LNX1: variants seen among roughly 807,000 people sequenced by gnomAD.
The protein encoded by LNX1 is E3 ubiquitin-protein ligase LNX.
LNX1 carries 54 observed loss-of-function variants against 68.4 expected under a neutral mutation model. The observed-to-expected ratio is 0.79, with a 90% CI of 0.63 to 0.99. The LOEUF is 0.99. Among genes scored for constraint, LNX1 ranks in the 50% least tolerant of loss-of-function variants. The probability of loss-of-function intolerance (pLI) is 0.00; values close to 1 mark genes in which losing one functional copy is unlikely to be tolerated. For synonymous variants in LNX1, 336 were observed against 350.0 expected (o/e 0.96, Z 0.45); for missense variants, 906 against 926.4 (o/e 0.98, Z 0.29).
chr4:53,469,334 C>G (rs533885159), intron 9 of LNX1, among the ~76,000 whole-genome samples: 1 of 152,140 alleles, frequency 6.6e-6, no homozygotes, highest in African/African-American at 2.4e-5. Context: ...GGGACACATT[C>G]AAAGCAGTGT....
intron 2 of LNX1, among the ~76,000 whole-genome samples, chr4:53,599,227 C>T (rs1560688728): frequency 6.6e-6 from 1 of 152,090 alleles, no homozygotes; most frequent in Non-Finnish European, 1.5e-5. Context: ...AAAAGATTGG[C>T]ACAAGACACA....
chr4:53,556,515 C>T (rs1337259741), intron 2 of LNX1, among the ~76,000 whole-genome samples: 4 of 152,172 alleles, frequency 2.6e-5, no homozygotes, highest in Non-Finnish European at 5.9e-5. Context: ...TATCATGGCA[C>T]TGGATTTCAA....
chr4:53,623,464 G>T (rs906802375), intron 1 of LNX1, among the ~76,000 whole-genome samples: 1 of 151,884 alleles, frequency 6.6e-6, no homozygotes. Flanking sequence ...GAACACATGA[G>T]CTCAGGTGAT....
At chr4:53,636,435 G>A (rs144577115) in intron 1 of LNX1, among the ~76,000 whole-genome samples, 87 of 152,140 alleles carry the variant, frequency 5.7e-4, no homozygotes, top group Non-Finnish European at 9.3e-4. Flanking sequence ...TGGGACTCTG[G>A]TGAGACATTC....
At chr4:53,547,114 C>G (rs1226680613) in intron 2 of LNX1, among the ~76,000 whole-genome samples, 2 of 152,148 alleles carry the variant, frequency 1.3e-5, no homozygotes, top group African/African-American at 2.4e-5. Flanking sequence ...TATATCAAAT[C>G]GAAGACTATG....
chr4:53,613,198 T>G (rs1733560132), intron 2 of LNX1, among the ~76,000 whole-genome samples: 1 of 151,852 alleles, frequency 6.6e-6, no homozygotes, highest in African/African-American at 2.4e-5. Flanking sequence ...AAAGACCCCC[T>G]ACACATAACT....
intron 2 of LNX1, among the ~76,000 whole-genome samples, chr4:53,563,688 C>A (rs1324846053): frequency 1.3e-5 from 2 of 152,188 alleles, no homozygotes; most frequent in African/African-American, 4.8e-5. Flanking sequence ...GCATCTGTCA[C>A]CACGCCTGGT....
intron 2 of LNX1, among the ~76,000 whole-genome samples, chr4:53,565,440 G>C (rs1383241929): frequency 6.6e-6 from 1 of 150,956 alleles, no homozygotes; most frequent in African/African-American, 2.4e-5. Flanking sequence ...TGAGGGTCCT[G>C]TCTGTTAGAA....
At chr4:53,476,663 C>T (rs1579373870) in intron 9 of LNX1, 90 bp downstream of exon 9, 11 of 1,072,690 alleles carry the variant, frequency 1.0e-5, no homozygotes, top group Non-Finnish European at 1.6e-5. Flanking sequence ...ATGCTAGTGC[C>T]ATGAATCAGC....
At chr4:53,534,686 C>T (rs537484302) in intron 2 of LNX1, among the ~76,000 whole-genome samples, 27 of 152,220 alleles carry the variant, frequency 1.8e-4, no homozygotes, top group African/African-American at 5.5e-4. Context: ...GGTCACTTGG[C>T]GTAAAACAAC....
At chr4:53,569,587 C>G (rs1410979020) in intron 2 of LNX1, among the ~76,000 whole-genome samples, 2 of 149,230 alleles carry the variant, frequency 1.3e-5, no homozygotes, top group African/African-American at 2.5e-5. Context: ...CATTACCATT[C>G]AGGACATAGG....
At chr4:53,491,809 G>T (rs9997623) in intron 6 of LNX1, among the ~76,000 whole-genome samples, 130,867 of 140,408 alleles carry the variant, frequency 0.93, 61,479 homozygotes, top group East Asian at 1. Context: ...TTGTTTGTTT[G>T]TTTTTTGAGA....
Position 53,496,210 on chromosome 4 carries a change from C to T in LNX1, c.1163G>A (p.Ser388Asn), listed in dbSNP as rs989152693. The T allele has an allele frequency of 6.2e-7, 1 of 1,614,074 alleles. No individual in the cohort carries two copies. Among genetic ancestry groups the T allele is most frequent in the African/African-American group, 1.3e-5 (1 of 74,926 alleles). The part of the protein sequence containing the change: ...DSFHVILNKS[S>N]PEEQLGIKLV... ...TTTTATTCCAAGCTGCTCCTCGGGG[C>T]TACTTTTGTTGAGAATCACATGAAA... Residue 388 changes from serine to asparagine, a missense_variant, in exon 6 of 11, where the codon AGC becomes AAC. Coordinates refer to ENST00000263925, the MANE Select transcript of LNX1 (RefSeq NM_001126328.3).
In LNX1 at chr4:53,572,415, G is replaced by A. The variant is rs143740978; in HGVS notation, c.380+1208C>T. Among the ~76,000 whole-genome samples, 42 of 152,284 alleles carry A rather than the reference G, an allele frequency of 2.8e-4. No homozygotes were observed. In the East Asian group the frequency reaches 7.9e-3, roughly 29 times the overall value. On this transcript the variant is annotated intron_variant, in intron 2 of 10. Coordinates refer to ENST00000263925, the MANE Select transcript of LNX1 (RefSeq NM_001126328.3). ...AAAAATGAATTCACTGACATAATGA[G>A]CGTGGAAAACATGTGCTAAGCATTA...
At chr4:53,546,985 C>G (rs1729158951) in intron 2 of LNX1, among the ~76,000 whole-genome samples, 1 of 152,196 alleles carries the variant, frequency 6.6e-6, no homozygotes, top group East Asian at 1.9e-4. Flanking sequence ...CAGCTCAAGT[C>G]AGCCATTTCC....
intron 1 of LNX1, among the ~76,000 whole-genome samples, chr4:53,636,549 G>A (rs534954028): frequency 7.2e-4 from 109 of 152,212 alleles, no homozygotes; most frequent in African/African-American, 2.4e-3. Flanking sequence ...ACCATAAAAT[G>A]GAGATGATAA....
At chr4:53,544,899 C>A (rs577479713) in intron 2 of LNX1, among the ~76,000 whole-genome samples, 28 of 152,326 alleles carry the variant, frequency 1.8e-4, no homozygotes, top group African/African-American at 6.5e-4. Flanking sequence ...TTGGCAGGGC[C>A]AGGCTCTAAC....
At chr4:53,513,937 C>T (rs1726551589) in intron 2 of LNX1, among the ~76,000 whole-genome samples, 1 of 152,220 alleles carries the variant, frequency 6.6e-6, no homozygotes, top group Admixed American at 6.5e-5. Context: ...CCATCCCTTG[C>T]TCATACAGCC....
chr4:53,643,369 C>G (rs1734761943), intron 1 of LNX1, among the ~76,000 whole-genome samples: 1 of 152,022 alleles, frequency 6.6e-6, no homozygotes, highest in African/African-American at 2.4e-5. Context: ...AGGCTGATCT[C>G]AAACTCCCGG....
Sources: allele counts gnomAD v4.1 joint callset (sites outside exome capture counted in the v4.1 genomes callset), GRCh38; gene constraint gnomAD v4.1.1; transcripts MANE v1.5; gene names NCBI Gene and HGNC (gene_info 2026-07-23, HGNC 2026-07-21).